Variants in SCD5 observed in about 807,000 individuals in gnomAD.
SCD5 encodes the protein acyl-CoA-desaturase 4.
SCD5 carries 20 observed loss-of-function variants against 30.4 expected under a neutral mutation model. That is an observed-to-expected ratio of 0.66 (90% confidence interval 0.46 to 0.96). SCD5 has a LOEUF of 0.96. Ranked by LOEUF, SCD5 falls within the 40% of genes least tolerant of loss-of-function variation. The pLI is 0.00. For synonymous variants in SCD5, 173 were observed against 176.4 expected (o/e 0.98, Z 0.16); for missense variants, 381 against 443.3 (o/e 0.86, Z 1.26).
At chr4:82,750,563 A>G (rs1721079525) in intron 1 of SCD5, among the ~76,000 whole-genome samples, 2 of 152,138 alleles carry the variant, frequency 1.3e-5, no homozygotes, top group South Asian at 4.1e-4. Context: ...TTCAAGATCC[A>G]GGGAAGCCAT....
At chr4:82,758,540 G>T (rs1282807764) in intron 1 of SCD5, among the ~76,000 whole-genome samples, 1 of 152,136 alleles carries the variant, frequency 6.6e-6, no homozygotes, top group Non-Finnish European at 1.5e-5. Flanking sequence ...AGAAACTGGG[G>T]AAGAAACTTA....
Position 82,717,428 on chromosome 4 carries a change from T to G in SCD5, c.233-12015A>C, listed in dbSNP as rs73829977. Among the ~76,000 whole-genome samples the G allele has an allele frequency of 7.2e-5, 11 of 151,850 alleles. No homozygotes were observed. In the South Asian group the frequency reaches 2.1e-3, roughly 29 times the overall value. ...CTATCGAAATCACCATTAGGGAAAA[T>G]TGAGAACAAAGTGAGTAATTTACTG... On this transcript the variant is annotated intron_variant, in intron 1 of 4. Coordinates refer to ENST00000319540, the MANE Select transcript of SCD5 (RefSeq NM_001037582.3).
At chr4:82,676,072 G>A (rs956863926) in intron 3 of SCD5, among the ~76,000 whole-genome samples, 20 of 152,116 alleles carry the variant, frequency 1.3e-4, no homozygotes, top group African/African-American at 4.8e-4. Context: ...CCTTAAAGGC[G>A]ACCGACTCAA....
intron 2 of SCD5, among the ~76,000 whole-genome samples, chr4:82,699,576 T>TG (rs955252272): frequency 2.0e-5 from 3 of 147,150 alleles, no homozygotes; most frequent in Non-Finnish European, 4.5e-5. Flanking sequence ...TTTTGTTTTT[T>TG]TTTTTTTTTG....
chr4:82,725,209 T>G (rs1313768360), intron 1 of SCD5, among the ~76,000 whole-genome samples: 1 of 152,202 alleles, frequency 6.6e-6, no homozygotes. Flanking sequence ...GAAATAAACC[T>G]TTCCAGCTGA....
intron 3 of SCD5, among the ~76,000 whole-genome samples, chr4:82,671,939 C>T (rs888652274): frequency 2.0e-5 from 3 of 152,012 alleles, no homozygotes; most frequent in African/African-American, 7.2e-5. Context: ...AATCAAACAA[C>T]ATACTTCTAA....
At chr4:82,699,642 C>T (rs1207486722) in intron 2 of SCD5, among the ~76,000 whole-genome samples, 2 of 150,084 alleles carry the variant, frequency 1.3e-5, no homozygotes, top group Non-Finnish European at 3.0e-5. Context: ...TGTCTCATGC[C>T]TGTAATCCCA....
Position 82,730,611 on chromosome 4 carries a change from A to C in SCD5, c.233-25198T>G, listed in dbSNP as rs1419248183. 3.6e-3 allele frequency among the ~76,000 whole-genome samples: 408 copies of C among 112,028 alleles called. 2 individuals are homozygous for C. Among genetic ancestry groups the C allele is most frequent in the African/African-American group, 0.014 (391 of 27,090 alleles). The allele number at this position is 112,028 out of a possible 152,430, so 73.5% of individuals were successfully genotyped here. On this transcript the variant is annotated intron_variant, in intron 1 of 4. Coordinates refer to ENST00000319540, the MANE Select transcript of SCD5 (RefSeq NM_001037582.3). ...TTTTTTTTTTTTTTTTTTTAGAAGG[A>C]GTCTCACTCTGTTGCCCAGGCTGGA...
intron 1 of SCD5, among the ~76,000 whole-genome samples, chr4:82,746,409 T>C (rs1295342193): frequency 1.3e-5 from 2 of 152,234 alleles, no homozygotes; most frequent in Non-Finnish European, 2.9e-5. Context: ...GAATTCTCAT[T>C]GTCTGATGTA....
intron 4 of SCD5, among the ~76,000 whole-genome samples, chr4:82,635,470 A>C (rs3846349): frequency 0.6 from 89,896 of 150,692 alleles, 28,029 homozygotes; most frequent in Admixed American, 0.71. Context: ...AATACAAAAA[A>C]ATTAGCCAGG....
At chr4:82,671,532 T>C (rs1315514105) in intron 3 of SCD5, among the ~76,000 whole-genome samples, 1 of 152,190 alleles carries the variant, frequency 6.6e-6, no homozygotes, top group Non-Finnish European at 1.5e-5. Flanking sequence ...ATAGAAATTA[T>C]ACAATGTTTG....
chr4:82,632,541 G>T (rs1727317896), intron 4 of SCD5, among the ~76,000 whole-genome samples: 1 of 152,012 alleles, frequency 6.6e-6, no homozygotes, highest in Admixed American at 6.6e-5. Flanking sequence ...CAATCCTTTG[G>T]GTATATACCC....
chr4:82,796,946 T>C (rs1722237052), intron 1 of SCD5, among the ~76,000 whole-genome samples: 1 of 152,168 alleles, frequency 6.6e-6, no homozygotes, highest in Non-Finnish European at 1.5e-5. Context: ...GCAGGAGATT[T>C]CCCAGAGCTT....
intron 3 of SCD5, among the ~76,000 whole-genome samples, chr4:82,670,661 T>C (rs898545478): frequency 5.3e-5 from 8 of 151,674 alleles, no homozygotes; most frequent in East Asian, 1.9e-4. Flanking sequence ...TCCATATCAA[T>C]TGATATGGCA....
intron 3 of SCD5, among the ~76,000 whole-genome samples, chr4:82,647,867 A>G (rs1727664365): frequency 6.6e-6 from 1 of 152,260 alleles, no homozygotes; most frequent in African/African-American, 2.4e-5. Flanking sequence ...TAGTAAGAGG[A>G]GTAGAAAATA....
rs1197064305 is a variant in SCD5, at chr4:82,671,281, CATAATT to C, written c.569+9420_569+9425del. 7.2e-5 allele frequency among the ~76,000 whole-genome samples: 11 copies of C among 152,204 alleles called. No individual in the cohort carries two copies. In the East Asian group the frequency reaches 2.1e-3, roughly 29 times the overall value. ...AACTGCAAGGAGTCATAGATGAATC[CATAATT>C]ATAATTGGAGATGTGAACAGCCCAC... On this transcript the variant is annotated intron_variant, in intron 3 of 4. Transcript: ENST00000319540.
intron 3 of SCD5, among the ~76,000 whole-genome samples, chr4:82,644,235 C>T (rs1201902531): frequency 6.6e-6 from 1 of 152,192 alleles, no homozygotes; most frequent in Non-Finnish European, 1.5e-5. Context: ...TTGTCCAGGC[C>T]TGGTCCCCAC....
chr4:82,689,666 T>C (rs866868738), intron 2 of SCD5, among the ~76,000 whole-genome samples: 1 of 152,234 alleles, frequency 6.6e-6, no homozygotes, highest in Non-Finnish European at 1.5e-5. Context: ...GCTAAAACTA[T>C]TGGGTAAAAG....
At chr4:82,786,422 A>T (rs1721988734) in intron 1 of SCD5, among the ~76,000 whole-genome samples, 1 of 152,210 alleles carries the variant, frequency 6.6e-6, no homozygotes, top group Non-Finnish European at 1.5e-5. Context: ...GGAAGAAAAT[A>T]AATTTAAACC....
Sources: allele counts gnomAD v4.1 joint callset (sites outside exome capture counted in the v4.1 genomes callset), GRCh38; gene constraint gnomAD v4.1.1; transcripts MANE v1.5; gene names NCBI Gene and HGNC (gene_info 2026-07-23, HGNC 2026-07-21).